G3BP2: variants seen among roughly 807,000 people sequenced by gnomAD.
G3BP2 encodes ras GTPase-activating protein-binding protein 2.
G3BP2 carries 11 observed loss-of-function variants against 56.7 expected under a neutral mutation model. The observed-to-expected ratio is 0.19, with a 90% confidence interval of 0.12 to 0.32. The LOEUF (loss-of-function observed/expected upper bound fraction) is 0.32, where lower values mean the gene tolerates loss of function less well. Among genes scored for constraint, G3BP2 ranks in the 10% least tolerant of loss-of-function variants. G3BP2 has a pLI of 1.00. For synonymous variants in G3BP2, 165 were observed against 191.6 expected (o/e 0.86, Z 1.15); for missense variants, 340 against 610.9 (o/e 0.56, Z 4.67).
At chr4:75,653,600 A>AC (rs1038864550) in intron 8 of G3BP2, among the ~76,000 whole-genome samples, 5 of 151,146 alleles carry the variant, frequency 3.3e-5, no homozygotes, top group East Asian at 1.9e-4. Flanking sequence ...AAAAAAAAAA[A>AC]AAAAAACAAA....
chr4:75,646,695 A>G (rs1731229965), intron 10 of G3BP2, among the ~76,000 whole-genome samples: 1 of 146,748 alleles, frequency 6.8e-6, no homozygotes, highest in African/African-American at 2.5e-5. Flanking sequence ...TTTCATAAGT[A>G]AAGTTAACTG....
At chr4:75,703,850 T>C (rs1241685581) in intron 3 of G3BP2, among the ~76,000 whole-genome samples, 1 of 152,198 alleles carries the variant, frequency 6.6e-6, no homozygotes, top group Non-Finnish European at 1.5e-5. Flanking sequence ...GGTCATTTCA[T>C]TTTCTTATTA....
intron 11 of G3BP2, 95 bp downstream of exon 11, chr4:75,646,239 CTTTA>C (rs1731201310): frequency 9.1e-6 from 6 of 658,074 alleles, no homozygotes; most frequent in Non-Finnish European, 1.6e-5. Flanking sequence ...CTATTTTTAG[CTTTA>C]TTATTAAAAG....
chr4:75,715,945 C>A (rs189651028), intron 3 of G3BP2, among the ~76,000 whole-genome samples: 23 of 152,274 alleles, frequency 1.5e-4, no homozygotes, highest in African/African-American at 5.1e-4. Context: ...GATAGCAGCA[C>A]CCTCACATGA....
intron 3 of G3BP2, among the ~76,000 whole-genome samples, chr4:75,695,746 G>A (rs563579038): frequency 2.0e-5 from 3 of 152,144 alleles, no homozygotes; most frequent in East Asian, 1.9e-4. Flanking sequence ...AGGCCGAGGC[G>A]GGTGAATCAC....
intron 3 of G3BP2, among the ~76,000 whole-genome samples, chr4:75,680,985 T>TAAA (rs60301812): frequency 7.0e-6 from 1 of 142,264 alleles, no homozygotes; most frequent in Admixed American, 7.1e-5. Context: ...AATAAAAAAT[T>TAAA]AAAAAAAAAA....
Position 75,647,067 on chromosome 4 carries a change from T to C in G3BP2, c.1019A>G (p.His340Arg). The change falls in exon 10 of 12, where the codon CAT becomes CGT. Residue 340 changes from histidine to arginine, a missense_variant. Physicochemically the swap from His to Arg is conservative, Grantham distance 29 (BLOSUM62 0). Transcript: ENST00000359707. ...CTTTAGCTCATTTTCATCAATATCATGTGGCAAGTTACCAACAAAAAGTTG... is the reference window on the plus strand; with the variant it reads ...CTTTAGCTCATTTTCATCAATATCACGTGGCAAGTTACCAACAAAAAGTTG... ...SHQLFVGNLPHDIDENELKEF... is the reference protein window; with the variant it reads ...SHQLFVGNLPRDIDENELKEF... 1.3e-6 allele frequency: 2 copies of C among 1,599,530 alleles called. No homozygotes were observed. The highest frequency in any genetic ancestry group is 1.7e-6 in the Non-Finnish European group (2 of 1,168,318).
intron 3 of G3BP2, among the ~76,000 whole-genome samples, chr4:75,693,048 C>T (rs376216423): frequency 2.6e-4 from 39 of 151,922 alleles, no homozygotes; most frequent in Non-Finnish European, 4.9e-4. Flanking sequence ...AATTTGAGAC[C>T]GCCTGGCAAA....
chr4:75,655,372 A>G, intron 6 of G3BP2, 126 bp from the exon 7 acceptor site: 2 of 706,876 alleles, frequency 2.8e-6, no homozygotes, highest in Non-Finnish European at 4.8e-6. Flanking sequence ...CAAAGTATTC[A>G]AAGCAAAATT....
chr4:75,682,152 C>G lies in G3BP2; in HGVS notation c.-24-20103G>C, dbSNP rs555941364. ...AAACTGTTGGCCAGGTGCGGTGGCT[C>G]ATGCCTGTAATCCCAGCACTTTGGG... On this transcript the variant is annotated intron_variant, in intron 3 of 3. Coordinates refer to the G3BP2 transcript ENST00000499709. Among the ~76,000 whole-genome samples, 158 of 152,242 alleles carry G rather than the reference C, an allele frequency of 1.0e-3. 1 individual carries two copies. Among genetic ancestry groups the G allele is most frequent in the African/African-American group, 3.7e-3 (152 of 41,548 alleles).
intron 1 of G3BP2, among the ~76,000 whole-genome samples, chr4:75,665,161 C>T (rs1732907007): frequency 6.6e-6 from 1 of 152,158 alleles, no homozygotes; most frequent in Non-Finnish European, 1.5e-5. Context: ...TTACATAATT[C>T]TAGTGACTCA....
chr4:75,706,537 C>T (rs11734358), intron 3 of G3BP2, among the ~76,000 whole-genome samples: 22,365 of 151,890 alleles, frequency 0.15, 1,731 homozygotes, highest in South Asian at 0.33. Context: ...ATTAGCGGGG[C>T]GTGGTGGCGC....
intron 1 of G3BP2, among the ~76,000 whole-genome samples, chr4:75,662,685 C>A (rs982467866): frequency 2.0e-5 from 3 of 152,152 alleles, no homozygotes; most frequent in Non-Finnish European, 4.4e-5. Context: ...TCTTGATTTC[C>A]CTACCCTTCG....
intron 2 of G3BP2, among the ~76,000 whole-genome samples, chr4:75,659,467 T>C (rs1732375621): frequency 6.6e-6 from 1 of 152,216 alleles, no homozygotes; most frequent in Admixed American, 6.5e-5. Context: ...TCTAATTTCT[T>C]TTTAATATTT....
intron 3 of G3BP2, among the ~76,000 whole-genome samples, chr4:75,715,804 C>T (rs183759173): frequency 6.6e-6 from 1 of 152,308 alleles, no homozygotes; most frequent in East Asian, 1.9e-4. Context: ...TACTTCCTTT[C>T]ACTGATTGGT....
chr4:75,710,050 A>T (rs1463885304), intron 3 of G3BP2, among the ~76,000 whole-genome samples: 1 of 152,222 alleles, frequency 6.6e-6, no homozygotes, highest in Non-Finnish European at 1.5e-5. Context: ...ATACTAGGTA[A>T]TGTAATGTGC....
chr4:75,672,993 T>C (rs931855846), intron 1 of G3BP2: 5 of 985,674 alleles, frequency 5.1e-6, no homozygotes, highest in Non-Finnish European at 6.0e-6. Flanking sequence ...GTCACCTCCC[T>C]TCCCAGGCGG....
chr4:75,673,592 A>C (rs1306173044), upstream of G3BP2: 2 of 1,231,760 alleles, frequency 1.6e-6, no homozygotes, highest in Admixed American at 4.2e-5. Flanking sequence ...GCGCCCGGAA[A>C]GCCGGGGAAC....
intron 3 of G3BP2, among the ~76,000 whole-genome samples, chr4:75,703,978 C>G (rs956885005): frequency 3.3e-5 from 5 of 151,168 alleles, no homozygotes; most frequent in African/African-American, 1.2e-4. Context: ...AGATCTTAAG[C>G]AAAATGCATA....
Sources: allele counts gnomAD v4.1 joint callset (sites outside exome capture counted in the v4.1 genomes callset), GRCh38; gene constraint gnomAD v4.1.1; transcripts MANE v1.5; gene names NCBI Gene and HGNC (gene_info 2026-07-23, HGNC 2026-07-21).